Variants in PTPN13 observed in about 807,000 individuals in gnomAD.
PTPN13 encodes the protein protein tyrosine phosphatase non-receptor type 13, also known as tyrosine-protein phosphatase non-receptor type 13.
PTPN13 carries 191 observed loss-of-function variants against 284.0 expected under a neutral mutation model. That is an observed-to-expected ratio of 0.67 (90% CI 0.60 to 0.76). The LOEUF (loss-of-function observed/expected upper bound fraction) is 0.76, where lower values mean the gene tolerates loss of function less well. Ranked by LOEUF, PTPN13 falls within the 30% of genes least tolerant of loss-of-function variation. The pLI, the probability that PTPN13 is intolerant of heterozygous loss-of-function variation, is 0.00. For missense variants in PTPN13, 2,797 were observed against 2,939.9 expected (o/e 0.95, Z 1.12); for synonymous variants, 986 against 1,022.3 (o/e 0.96, Z 0.68).
intron 7 of PTPN13, among the ~76,000 whole-genome samples, chr4:86,713,273 A>C (rs1732644196): frequency 6.6e-6 from 1 of 152,094 alleles, no homozygotes; most frequent in African/African-American, 2.4e-5. Context: ...TTTTTGGAAA[A>C]GTCCCTTAAA....
Position 86,613,970 on chromosome 4 carries a change from A to G in PTPN13, c.-6+19181A>G, listed in dbSNP as rs537337220. ...TGCAACAGGGAGTAAGGGCAGTGGA[A>G]ATGGAAGAAGAATATCTGTTAAGAG... On this transcript the variant is annotated intron_variant, in intron 1 of 47. Transcript: ENST00000411767. Among the ~76,000 whole-genome samples the G allele has an allele frequency of 3.9e-5, 6 of 152,296 alleles. No individual in the cohort carries two copies. In the East Asian group the frequency reaches 1.2e-3, roughly 29 times the overall value.
intron 23 of PTPN13, among the ~76,000 whole-genome samples, chr4:86,761,169 T>TATATAA (rs1188928906): frequency 5.5e-5 from 8 of 145,100 alleles, no homozygotes; most frequent in Non-Finnish European, 1.2e-4. Context: ...TATATATATA[T>TATATAA]AAACACAACA....
chr4:86,599,633 A>G (rs117601819), intron 1 of PTPN13, among the ~76,000 whole-genome samples: 1,592 of 152,256 alleles, frequency 0.01, 9 homozygotes, highest in Non-Finnish European at 0.013. Context: ...AAATTTGTGT[A>G]TGTTTCTTAT....
intron 10 of PTPN13, among the ~76,000 whole-genome samples, chr4:86,724,725 T>G (rs761332525): frequency 6.6e-6 from 1 of 152,168 alleles, no homozygotes; most frequent in Non-Finnish European, 1.5e-5. Context: ...TTTTTTTTCT[T>G]TTGGTGCAGA....
intron 2 of PTPN13, among the ~76,000 whole-genome samples, chr4:86,642,449 C>CTTTTTTTTTTTTTT (rs1241682151): frequency 3.6e-5 from 1 of 27,454 alleles, no homozygotes; most frequent in African/African-American, 1.3e-4. Flanking sequence ...TCTTCTTCTT[C>CTTTTTTTTTTTTTT]TTTTTTTTTT....
chr4:86,716,212 G>A (rs986597005), intron 7 of PTPN13, among the ~76,000 whole-genome samples: 10 of 152,086 alleles, frequency 6.6e-5, no homozygotes, highest in Non-Finnish European at 1.3e-4. Flanking sequence ...AACCTTATGC[G>A]ATGTGCACTA....
intron 37 of PTPN13, 76 bp from the exon 38 acceptor site, chr4:86,784,389 G>C (rs1578663275): frequency 3.4e-6 from 3 of 891,286 alleles, no homozygotes; most frequent in Non-Finnish European, 5.2e-6. Flanking sequence ...GAAGAGGAGA[G>C]AGACAATGTG....
At position 86,780,396 on chromosome 4, in the gene PTPN13, A is replaced by C. The variant is rs1049740783; in HGVS notation, c.5892-6A>C. The C allele has an allele frequency of 3.7e-6, 6 of 1,604,832 alleles. No homozygotes were observed. The African/African-American group carries it at 8.0e-5, about 21-fold the overall frequency. On this transcript the variant is annotated splice_region_variant and splice_polypyrimidine_tract_variant and intron_variant, in intron 35 of 47. Transcript: ENST00000411767. ...CAATTTACAGTTGTCTTTTTTTACA[A>C]CACAGAAATGATCTTCCAGTGGTCC...
intron 3 of PTPN13, among the ~76,000 whole-genome samples, chr4:86,678,897 A>C (rs987862556): frequency 4.0e-5 from 6 of 151,824 alleles, no homozygotes; most frequent in African/African-American, 1.5e-4. Context: ...TAATCTCCCA[A>C]CTCCAGTCTT....
At chr4:86,765,519 T>C in intron 26 of PTPN13, 31 bp downstream of exon 26, 1 of 1,406,898 alleles carries the variant, frequency 7.1e-7, no homozygotes, top group East Asian at 2.5e-5. Context: ...GGGAATTATA[T>C]GTATGAATAT....
chr4:86,631,399 G>A (rs1722453358), intron 1 of PTPN13, among the ~76,000 whole-genome samples: 1 of 152,122 alleles, frequency 6.6e-6, no homozygotes, highest in African/African-American at 2.4e-5. Context: ...GAGAAAGATG[G>A]TGCTAGTAGG....
chr4:86,790,253 A>G (rs1742464541), intron 40 of PTPN13, among the ~76,000 whole-genome samples: 1 of 152,212 alleles, frequency 6.6e-6, no homozygotes, highest in Non-Finnish European at 1.5e-5. Context: ...TACATCAACT[A>G]AATTGAAATT....
At chr4:86,726,406 G>A (rs1734260260) in intron 10 of PTPN13, among the ~76,000 whole-genome samples, 1 of 149,048 alleles carries the variant, frequency 6.7e-6, no homozygotes, top group Non-Finnish European at 1.5e-5. Flanking sequence ...AAATTACTTT[G>A]GGCAGTATGG....
chr4:86,747,675 G>A (rs1480671118), intron 17 of PTPN13, among the ~76,000 whole-genome samples: 2 of 152,150 alleles, frequency 1.3e-5, no homozygotes, highest in Non-Finnish European at 2.9e-5. Context: ...TGGGAATAAT[G>A]TTGTATATAT....
In PTPN13 at chr4:86,741,735, C is replaced by A; in HGVS notation, c.2406C>A (p.Val802=). ...TGCTTGGAGTCTGTTCTAAAGGTGT[C>A]CTTGTGTTTGAAGTTCACAATGGAG... The part of the protein sequence containing the change: ...GILLGVCSKG[V]LVFEVHNGVR... Residue 802 remains valine, a synonymous_variant, in exon 16 of 48, where the codon GTC becomes GTA. Transcript: ENST00000411767. 6.2e-7 allele frequency: 1 copy of A among 1,613,412 alleles called. No homozygotes were observed. The highest frequency in any genetic ancestry group is 8.5e-7 in the Non-Finnish European group (1 of 1,179,630).
chr4:86,628,199 T>A (rs1722048156), intron 1 of PTPN13, among the ~76,000 whole-genome samples: 1 of 152,192 alleles, frequency 6.6e-6, no homozygotes, highest in Non-Finnish European at 1.5e-5. Context: ...TTCCAGTTTC[T>A]CTACATCTTT....
chr4:86,700,474 T>TA (rs1383270161), intron 6 of PTPN13, among the ~76,000 whole-genome samples: 1 of 151,894 alleles, frequency 6.6e-6, no homozygotes, highest in Non-Finnish European at 1.5e-5. Context: ...TACTGCCTTT[T>TA]AAAAAAAAGT....
chr4:86,637,151 G>A (rs568251903), intron 2 of PTPN13, among the ~76,000 whole-genome samples: 64 of 152,174 alleles, frequency 4.2e-4, no homozygotes, highest in African/African-American at 1.5e-3. Context: ...TCTCTGAATA[G>A]ACCAATAACA....
chr4:86,651,732 G>A (rs1344515646), intron 2 of PTPN13, among the ~76,000 whole-genome samples: 3 of 152,004 alleles, frequency 2.0e-5, no homozygotes, highest in Non-Finnish European at 4.4e-5. Context: ...TCTAGGAATT[G>A]ATCCATTTCT....
Sources: gnomAD v4.1 joint callset for allele counts (sites outside exome capture counted in the v4.1 genomes callset) on GRCh38, gnomAD v4.1.1 for gene constraint, MANE v1.5 for transcripts, NCBI Gene and HGNC (gene_info 2026-07-23, HGNC 2026-07-21) for gene names.